TMEM45A: variants seen among roughly 807,000 people sequenced by gnomAD.
TMEM45A encodes the protein transmembrane protein 45A.
In TMEM45A, 25 loss-of-function variants were observed where a neutral mutation model predicts 32.0. The ratio of observed to expected loss-of-function variants is 0.78; its 90% CI spans 0.57 to 1.09. TMEM45A has a LOEUF of 1.09. TMEM45A is among the 50% of genes least tolerant of loss of function. TMEM45A has a pLI of 0.00. For missense variants in TMEM45A, 302 were observed against 325.0 expected, an observed-to-expected ratio of 0.93 and a Z score of 0.54; for synonymous variants, 122 against 114.8, an observed-to-expected ratio of 1.06 and a Z score of -0.40.
chr3:100,555,007 AGTTTTTATTTT>A, intron 1 of TMEM45A, among the ~76,000 whole-genome samples, 191 bp from the exon 2 acceptor site: 1 of 152,266 alleles, frequency 6.6e-6, no homozygotes, highest in Non-Finnish European at 1.5e-5. Context: ...AACAAATGTG[AGTTTTTATTTT>A]GTTTTTATTG....
chr3:100,546,299 G>A (rs1014317694), intron 1 of TMEM45A, among the ~76,000 whole-genome samples: 4 of 152,134 alleles, frequency 2.6e-5, no homozygotes, highest in Admixed American at 6.5e-5. Context: ...CCCATAGAAC[G>A]GTAATATAAT....
At chr3:100,501,434 C>T (rs1485014615) in intron 1 of TMEM45A, among the ~76,000 whole-genome samples, 1 of 152,112 alleles carries the variant, frequency 6.6e-6, no homozygotes, top group Non-Finnish European at 1.5e-5. Context: ...GAGGAGTTTC[C>T]CAGCTAAAGT....
chr3:100,505,229 C>G lies in TMEM45A; in HGVS notation c.-4+12301C>G, dbSNP rs1268057031. Among the ~76,000 whole-genome samples, 5 of 152,280 alleles carry G rather than the reference C, an allele frequency of 3.3e-5. No homozygotes were observed. The South Asian group carries it at 6.2e-4, about 19-fold the overall frequency. ...GGAGGCACCCGGGAGAGACACCCAT[C>G]TCACCACGTGCTCTACCATGGCAAT... On this transcript the variant is annotated intron_variant, in intron 1 of 5. Transcript: ENST00000323523.
intron 1 of TMEM45A, among the ~76,000 whole-genome samples, chr3:100,552,664 T>C (rs1706131843): frequency 6.6e-6 from 1 of 152,212 alleles, no homozygotes; most frequent in African/African-American, 2.4e-5. Flanking sequence ...ATAAGATGAT[T>C]AGTTCAGTTT....
intron 1 of TMEM45A, among the ~76,000 whole-genome samples, chr3:100,499,985 C>T (rs1046496023): frequency 1.5e-4 from 23 of 152,216 alleles, no homozygotes; most frequent in African/African-American, 5.3e-4. Flanking sequence ...ACTATTTTTA[C>T]CTTTTTGTGG....
intron 1 of TMEM45A, among the ~76,000 whole-genome samples, chr3:100,547,122 A>AT (rs907439288): frequency 6.6e-6 from 1 of 151,544 alleles, no homozygotes; most frequent in African/African-American, 2.4e-5. Flanking sequence ...TATATACTGT[A>AT]TTTTTTTTCT....
chr3:100,504,249 T>TA lies in TMEM45A; in HGVS notation c.-4+11335dup, dbSNP rs34630359. On this transcript the variant is annotated intron_variant, in intron 1 of 5. Transcript: ENST00000323523. ...AGTCCATTGTAGCCTTATATTTTTA[T>TA]AAAAAAAAAAAAAAGTCTTGCTTGG... 1.8e-3 allele frequency among the ~76,000 whole-genome samples: 256 copies of TA among 141,034 alleles called. 1 individual carries two copies. Among genetic ancestry groups the TA allele is most frequent in the South Asian group, 4.5e-3 (20 of 4,434 alleles). The allele number at this position is 141,034 out of a possible 152,430, so 92.5% of individuals were successfully genotyped here.
At chr3:100,510,133 T>G (rs1708135650) in intron 1 of TMEM45A, among the ~76,000 whole-genome samples, 1 of 152,240 alleles carries the variant, frequency 6.6e-6, no homozygotes, top group African/African-American at 2.4e-5. Context: ...CAAGGAGGCC[T>G]GCCTGCCTCT....
intron 1 of TMEM45A, among the ~76,000 whole-genome samples, chr3:100,543,530 A>C (rs1486976701): frequency 6.6e-6 from 1 of 152,152 alleles, no homozygotes; most frequent in African/African-American, 2.4e-5. Context: ...TAGATTTTTT[A>C]AATTTTGCAA....
At position 100,502,213 on chromosome 3, in the gene TMEM45A, T is replaced by TG. The variant is rs535619343; in HGVS notation, c.-4+9285_-4+9286insG. ...CTTTGATATGTCTAGGTATGGATCT[T>TG]TTTTTTTTTTTTAAACACCTTTTCT... On this transcript the variant is annotated intron_variant, in intron 1 of 5. Coordinates refer to ENST00000323523, the MANE Select transcript of TMEM45A (RefSeq NM_018004.3). Among the ~76,000 whole-genome samples the TG allele has an allele frequency of 9.2e-4, 86 of 93,506 alleles. 1 individual carries two copies. The highest frequency in any genetic ancestry group is 3.1e-3 in the African/African-American group (77 of 24,938). 61.3% of individuals were successfully genotyped at this position (93,506 alleles called of 152,430 possible).
chr3:100,529,751 G>C (rs140019695), intron 1 of TMEM45A, among the ~76,000 whole-genome samples: 77 of 152,256 alleles, frequency 5.1e-4, no homozygotes, highest in African/African-American at 1.8e-3. Context: ...CTCCTGAGTA[G>C]TTGGGACTAC....
chr3:100,520,246 C>T (rs949626262), intron 1 of TMEM45A, among the ~76,000 whole-genome samples: 1 of 152,176 alleles, frequency 6.6e-6, no homozygotes, highest in African/African-American at 2.4e-5. Flanking sequence ...GAGCAGGTCT[C>T]ATTGAGAAAG....
intron 4 of TMEM45A, among the ~76,000 whole-genome samples, chr3:100,566,518 T>C (rs1706442910): frequency 6.6e-6 from 1 of 152,194 alleles, no homozygotes; most frequent in African/African-American, 2.4e-5. Flanking sequence ...AGGCCTTTCC[T>C]TGCAATGGCC....
At chr3:100,507,163 C>T (rs1041043610) in intron 1 of TMEM45A, among the ~76,000 whole-genome samples, 11 of 152,102 alleles carry the variant, frequency 7.2e-5, no homozygotes, top group African/African-American at 1.2e-4. Context: ...CCTATTTGTC[C>T]GATTCTCTCC....
chr3:100,504,575 C>A (rs1322890149), intron 1 of TMEM45A, among the ~76,000 whole-genome samples: 1 of 152,194 alleles, frequency 6.6e-6, no homozygotes, highest in Non-Finnish European at 1.5e-5. Flanking sequence ...ACCAACGGCC[C>A]AAAAGTCCCT....
At chr3:100,539,480 T>C (rs146625590) in intron 1 of TMEM45A, among the ~76,000 whole-genome samples, 1,458 of 94,964 alleles carry the variant, frequency 0.015, 28 homozygotes, top group Middle Eastern at 0.032. Flanking sequence ...TATGTATATG[T>C]ATATGTATAT....
chr3:100,505,145 T>C (rs532210152), intron 1 of TMEM45A, among the ~76,000 whole-genome samples: 1 of 152,112 alleles, frequency 6.6e-6, no homozygotes, highest in Non-Finnish European at 1.5e-5. Flanking sequence ...GAAACACAAA[T>C]TTTGGTTAAA....
intron 1 of TMEM45A, among the ~76,000 whole-genome samples, chr3:100,527,889 A>G (rs1326884552): frequency 6.6e-6 from 1 of 152,212 alleles, no homozygotes; most frequent in Non-Finnish European, 1.5e-5. Context: ...CACAACCAAG[A>G]CAACTCAGGA....
chr3:100,505,590 G>A (rs1708067421), intron 1 of TMEM45A, among the ~76,000 whole-genome samples: 2 of 152,124 alleles, frequency 1.3e-5, no homozygotes, highest in Non-Finnish European at 2.9e-5. Flanking sequence ...GAAAAACACT[G>A]GTTTTAAGAT....
Sources: gnomAD v4.1 joint callset for allele counts (sites outside exome capture counted in the v4.1 genomes callset) on GRCh38, gnomAD v4.1.1 for gene constraint, MANE v1.5 for transcripts, NCBI Gene and HGNC (gene_info 2026-07-23, HGNC 2026-07-21) for gene names.